Variants in FXR1 observed in about 807,000 individuals in gnomAD.
FXR1 encodes FMR1 autosomal homolog 1.
A neutral mutation model predicts 84.0 loss-of-function variants in FXR1; 15 were observed. The ratio of observed to expected loss-of-function variants is 0.18; its 90% CI spans 0.12 to 0.27. FXR1 has a LOEUF of 0.27. FXR1 is among the 10% of genes least tolerant of loss of function. The probability of loss-of-function intolerance (pLI) is 1.00; values close to 1 mark genes in which losing one functional copy is unlikely to be tolerated. For synonymous variants in FXR1, 245 were observed against 250.7 expected (o/e 0.98, Z 0.21); for missense variants, 480 against 774.4 (o/e 0.62, Z 4.51).
chr3:180,912,838 G>A (rs1394891851), intron 1 of FXR1, 102 bp downstream of exon 1: 2 of 1,600,394 alleles, frequency 1.2e-6, no homozygotes, highest in African/African-American at 1.3e-5. Flanking sequence ...CGGAAAGGCA[G>A]CCAGGCCAAA....
rs927353731 is a variant in FXR1, at chr3:180,933,073, T to C, written c.52-261T>C. On this transcript the variant is annotated intron_variant, in intron 1 of 16. Coordinates refer to ENST00000357559, the MANE Select transcript of FXR1 (RefSeq NM_005087.4). ...ATAACTGCCTTGCTGAACTAATACC[T>C]GAGGTGTTCCAGGGATGTACATTTA... 13 of 404,978 alleles carry C rather than the reference T, an allele frequency of 3.2e-5. No individual in the cohort carries two copies. The East Asian group carries it at 6.5e-4, about 20-fold the overall frequency. 25.1% of individuals were successfully genotyped at this position (404,978 alleles called of 1,614,324 possible). A position where few individuals can be genotyped will look rare whatever the true frequency, so the allele number is the denominator to read the frequency against.
chr3:180,934,735 G>T (rs982361014), intron 2 of FXR1, among the ~76,000 whole-genome samples: 3 of 152,134 alleles, frequency 2.0e-5, no homozygotes, highest in Non-Finnish European at 2.9e-5. Flanking sequence ...AGGTCATGTA[G>T]TTGTGAAACT....
In FXR1 at chr3:180,968,060, C is replaced by T. The variant is rs199510994; in HGVS notation, c.1208C>T (p.Ser403Phe). ...PNYTSGYGTNSELSNPSETES... is the reference protein window; with the variant it reads ...PNYTSGYGTNFELSNPSETES... Reference sequence around the variant, plus strand: ...TCTTTTCTTTTCCAAGGTACAAATTCTGAGCTGTCTAACCCCTCTGAAACG... The same window carrying T: ...TCTTTTCTTTTCCAAGGTACAAATTTTGAGCTGTCTAACCCCTCTGAAACG... Residue 403 changes from serine to phenylalanine, a missense_variant, in exon 14 of 17, where the codon TCT becomes TTT. By Grantham distance (155) the Ser-to-Phe change is radical. Transcript: ENST00000357559. 3.5e-5 allele frequency: 57 copies of T among 1,606,668 alleles called. No individual in the cohort carries two copies. The Middle Eastern group carries it at 5.0e-4, about 14-fold the overall frequency.
chr3:180,973,265 T>C (rs1468718786), intron 15 of FXR1, among the ~76,000 whole-genome samples: 1 of 152,224 alleles, frequency 6.6e-6, no homozygotes, highest in Non-Finnish European at 1.5e-5. Flanking sequence ...AGCTAAGTGC[T>C]TGTTAATTTA....
rs759169464 is a variant in FXR1, at chr3:180,962,992, A to G, written c.1136-36A>G. The G allele has an allele frequency of 1.0e-5, 16 of 1,606,266 alleles. No homozygotes were observed. The East Asian group carries it at 2.7e-4, about 27-fold the overall frequency. On this transcript the variant is annotated intron_variant, in intron 12 of 16. Coordinates refer to ENST00000357559, the MANE Select transcript of FXR1 (RefSeq NM_005087.4). ...AGAGGGCCTGAAAAAGAGAAAGGAT[A>G]TGCCACTGATGAAAGTACCGTCTCT...
chr3:180,959,481 T>C (rs1576981839), intron 10 of FXR1, among the ~76,000 whole-genome samples: 1 of 152,132 alleles, frequency 6.6e-6, no homozygotes. Flanking sequence ...GCTGGCTCGG[T>C]TGCTAATTTT....
chr3:180,936,539 A>C (rs1271712114), intron 3 of FXR1, among the ~76,000 whole-genome samples: 2 of 152,208 alleles, frequency 1.3e-5, no homozygotes, highest in Non-Finnish European at 2.9e-5. Flanking sequence ...AAGTTCTGGG[A>C]TTACAGGTGT....
intron 1 of FXR1, chr3:180,915,675 G>A (rs1176059238): frequency 1.4e-6 from 1 of 702,094 alleles, no homozygotes; most frequent in African/African-American, 1.7e-5. Flanking sequence ...ACCCCGTATA[G>A]GCAGAAGACA....
At chr3:180,948,160 G>T (rs955071859) in intron 4 of FXR1, 187 bp from the exon 5 acceptor site, 2 of 617,882 alleles carry the variant, frequency 3.2e-6, no homozygotes, top group Non-Finnish European at 5.7e-6. Flanking sequence ...GACCGCCAAG[G>T]TTCATGCTTG....
chr3:180,922,256 G>A (rs1185908728), intron 1 of FXR1, among the ~76,000 whole-genome samples: 33 of 152,054 alleles, frequency 2.2e-4, no homozygotes. Context: ...TTCCAAAAAG[G>A]CTTCTGATGC....
At position 180,928,260 on chromosome 3, in the gene FXR1, A is replaced by C. The variant is rs1414511546; in HGVS notation, c.52-5074A>C. Among the ~76,000 whole-genome samples, 4 of 151,788 alleles carry C rather than the reference A, an allele frequency of 2.6e-5. No individual in the cohort carries two copies. In the East Asian group the frequency reaches 7.7e-4, roughly 29 times the overall value. ...TAAACGACTTTAGGCCTACTTTTGGAATCTGTTCTGTTCCTTTAAAATATC... is the reference window on the plus strand; with the variant it reads ...TAAACGACTTTAGGCCTACTTTTGGCATCTGTTCTGTTCCTTTAAAATATC... On this transcript the variant is annotated intron_variant, in intron 1 of 16. Coordinates refer to ENST00000357559, the MANE Select transcript of FXR1 (RefSeq NM_005087.4).
intron 1 of FXR1, among the ~76,000 whole-genome samples, chr3:180,925,810 C>G (rs575075416): frequency 6.6e-6 from 1 of 152,152 alleles, no homozygotes; most frequent in Non-Finnish European, 1.5e-5. Context: ...TGTGGCAGTT[C>G]TTGGGGAAGA....
intron 4 of FXR1, 153 bp downstream of exon 4, chr3:180,948,089 T>C: frequency 8.1e-6 from 5 of 618,238 alleles, no homozygotes; most frequent in Non-Finnish European, 1.4e-5. Context: ...TAATTTCTGT[T>C]TGTGTTCTGT....
intron 1 of FXR1, among the ~76,000 whole-genome samples, chr3:180,924,752 A>G (rs557531945): frequency 1.3e-3 from 197 of 152,232 alleles, no homozygotes; most frequent in African/African-American, 4.7e-3. Context: ...TCGGCCTCCC[A>G]AATTGTTGGG....
intron 1 of FXR1, among the ~76,000 whole-genome samples, chr3:180,932,068 T>G (rs1407766612): frequency 1.7e-4 from 1 of 5,854 alleles, no homozygotes; most frequent in Non-Finnish European, 5.2e-4. Context: ...ATTTACTTTG[T>G]AAGTTTCAAA....
intron 3 of FXR1, among the ~76,000 whole-genome samples, chr3:180,946,038 T>G (rs1383037896): frequency 1.3e-5 from 2 of 152,232 alleles, no homozygotes; most frequent in Non-Finnish European, 2.9e-5. Context: ...TTGTCTGATA[T>G]CTCTAATAAT....
chr3:180,919,176 T>G (rs756801834), intron 1 of FXR1, among the ~76,000 whole-genome samples: 1 of 152,208 alleles, frequency 6.6e-6, no homozygotes, highest in East Asian at 1.9e-4. Context: ...GGAGCTGAAA[T>G]GTACTAGTCT....
chr3:180,925,563 G>C (rs1468654848), intron 1 of FXR1, among the ~76,000 whole-genome samples: 1 of 152,130 alleles, frequency 6.6e-6, no homozygotes, highest in African/African-American at 2.4e-5. Flanking sequence ...GTTACCATCA[G>C]GTGCCACAGA....
chr3:180,923,520 T>C (rs553154078), intron 1 of FXR1, among the ~76,000 whole-genome samples: 17 of 152,262 alleles, frequency 1.1e-4, no homozygotes, highest in African/African-American at 4.1e-4. Context: ...CTTTTTTTTT[T>C]CCTTGCCCTG....
Sources: gnomAD v4.1 joint callset for allele counts (sites outside exome capture counted in the v4.1 genomes callset) on GRCh38, gnomAD v4.1.1 for gene constraint, MANE v1.5 for transcripts, NCBI Gene and HGNC (gene_info 2026-07-23, HGNC 2026-07-21) for gene names.